Variants in CHSY3 observed in about 807,000 individuals in gnomAD.
The protein encoded by CHSY3 is N-acetylgalactosaminyl-proteoglycan 3-beta-glucuronosyltransferase 3.
Under a neutral mutation model 67.2 loss-of-function variants are expected in CHSY3, and 35 were observed. That is an observed-to-expected ratio of 0.52 (90% CI 0.40 to 0.69). The LOEUF (loss-of-function observed/expected upper bound fraction) is 0.69. Among genes scored for constraint, CHSY3 ranks in the 30% least tolerant of loss-of-function variants. CHSY3 has a pLI of 0.00. For missense variants in CHSY3, 1,069 were observed against 1,138.5 expected (o/e 0.94, Z 0.88); for synonymous variants, 474 against 434.7 (o/e 1.09, Z -1.12).
At chr5:130,121,985 A>G (rs36019821) in intron 2 of CHSY3, among the ~76,000 whole-genome samples, 1,541 of 152,222 alleles carry the variant, frequency 0.01, 10 homozygotes, top group Non-Finnish European at 0.018. Context: ...GCATCTATTT[A>G]TTGAGTGCTT....
intron 2 of CHSY3, among the ~76,000 whole-genome samples, chr5:130,121,274 ATGAATAAATGC>A (rs1467889105): frequency 6.6e-6 from 1 of 152,234 alleles, no homozygotes; most frequent in African/African-American, 2.4e-5. Context: ...TAGGGGCTGC[ATGAATAAATGC>A]TGACTGGATG....
At chr5:129,976,305 T>C (rs1205350688) in intron 2 of CHSY3, among the ~76,000 whole-genome samples, 1 of 152,178 alleles carries the variant, frequency 6.6e-6, no homozygotes, top group Non-Finnish European at 1.5e-5. Flanking sequence ...CCTCAAAGAC[T>C]ATCTATCCAT....
At chr5:129,982,666 A>G (rs987582951) in intron 2 of CHSY3, among the ~76,000 whole-genome samples, 1 of 152,100 alleles carries the variant, frequency 6.6e-6, no homozygotes, top group East Asian at 1.9e-4. Flanking sequence ...ACAAATATAA[A>G]TTAAACATTC....
intron 2 of CHSY3, among the ~76,000 whole-genome samples, chr5:130,062,502 C>T (rs1765747276): frequency 1.3e-5 from 2 of 151,936 alleles, no homozygotes; most frequent in African/African-American, 2.4e-5. Context: ...TATCAGTACG[C>T]AATATACGCA....
intron 2 of CHSY3, among the ~76,000 whole-genome samples, chr5:130,060,486 T>G (rs138835951): frequency 6.6e-6 from 1 of 152,138 alleles, no homozygotes; most frequent in Non-Finnish European, 1.5e-5. Context: ...AAAGCCTTTT[T>G]TTCCAAGAAC....
intron 2 of CHSY3, among the ~76,000 whole-genome samples, chr5:130,125,751 C>T (rs192932253): frequency 5.9e-5 from 9 of 152,044 alleles, no homozygotes; most frequent in African/African-American, 2.2e-4. Flanking sequence ...GTGGCAAAAC[C>T]GAAAGCAAAA....
intron 2 of CHSY3, among the ~76,000 whole-genome samples, chr5:130,057,900 C>CAGAG (rs141613378): frequency 0.024 from 3,584 of 149,194 alleles, 134 homozygotes; most frequent in African/African-American, 0.08. Context: ...TACATGCACA[C>CAGAG]AGAGAGAGAG....
Position 130,079,766 on chromosome 5 carries a change from T to C in CHSY3, c.1087-104463T>C, listed in dbSNP as rs569197176. Among the ~76,000 whole-genome samples, 49 of 152,218 alleles carry C rather than the reference T, an allele frequency of 3.2e-4. 1 individual carries two copies. In the South Asian group the frequency reaches 9.5e-3, roughly 30 times the overall value. On this transcript the variant is annotated intron_variant, in intron 2 of 2. Coordinates refer to ENST00000305031, the MANE Select transcript of CHSY3 (RefSeq NM_175856.5). ...GAAGAAACCAGATACTTGTAAGAAG[T>C]ATTTGGCACAAGTTTTATATGTGCA...
At chr5:130,020,456 TATATA>T (rs1382470410) in intron 2 of CHSY3, among the ~76,000 whole-genome samples, 17 of 2,462 alleles carry the variant, frequency 6.9e-3, no homozygotes, top group Non-Finnish European at 0.012. Flanking sequence ...TATATATATA[TATATA>T]TTTTTTTTTT....
At chr5:129,935,988 C>G (rs1270138196) in intron 2 of CHSY3, among the ~76,000 whole-genome samples, 2 of 151,912 alleles carry the variant, frequency 1.3e-5, no homozygotes, top group Non-Finnish European at 2.9e-5. Context: ...AAATTTAACT[C>G]GGGCTGAAAA....
chr5:130,158,855 A>T (rs1769445284), intron 2 of CHSY3, among the ~76,000 whole-genome samples: 2 of 152,170 alleles, frequency 1.3e-5, no homozygotes, highest in Non-Finnish European at 2.9e-5. Context: ...GCTGGAGTGC[A>T]GTGCTATGAT....
intron 2 of CHSY3, among the ~76,000 whole-genome samples, chr5:130,008,327 C>T (rs993613235): frequency 6.6e-6 from 1 of 152,144 alleles, no homozygotes; most frequent in Non-Finnish European, 1.5e-5. Context: ...GTCCCAGCAC[C>T]TAGGGTTAGA....
chr5:130,141,121 G>A (rs968340690), intron 2 of CHSY3: 3 of 335,912 alleles, frequency 8.9e-6, no homozygotes, highest in Admixed American at 4.7e-5. Flanking sequence ...AGCCTGATGA[G>A]GCTGTTGTTT....
intron 2 of CHSY3, among the ~76,000 whole-genome samples, chr5:129,959,009 A>G (rs570911485): frequency 6.6e-6 from 1 of 152,290 alleles, no homozygotes; most frequent in Non-Finnish European, 1.5e-5. Flanking sequence ...TAAACATAGC[A>G]AACTCTACTA....
chr5:130,001,535 C>A, intron 2 of CHSY3: 1 of 927,492 alleles, frequency 1.1e-6, no homozygotes, highest in Non-Finnish European at 1.3e-6. Context: ...CCAAGATACG[C>A]AGGACCCCAT....
chr5:130,063,083 A>G (rs1223622249), intron 2 of CHSY3, among the ~76,000 whole-genome samples: 1 of 152,082 alleles, frequency 6.6e-6, no homozygotes, highest in Non-Finnish European at 1.5e-5. Context: ...TTAAATGGCT[A>G]TGTCTATTTT....
chr5:129,909,832 A>G (rs1477744662), intron 2 of CHSY3, among the ~76,000 whole-genome samples: 3 of 152,002 alleles, frequency 2.0e-5, no homozygotes, highest in Non-Finnish European at 4.4e-5. Flanking sequence ...AAGTAAAAAA[A>G]TATTTGTGTG....
intron 2 of CHSY3, among the ~76,000 whole-genome samples, chr5:129,944,697 A>T (rs994562380): frequency 6.6e-6 from 1 of 152,190 alleles, no homozygotes; most frequent in Non-Finnish European, 1.5e-5. Context: ...TAATTTTTAG[A>T]TTAATATATT....
chr5:130,013,323 T>G (rs1764121459), intron 2 of CHSY3, among the ~76,000 whole-genome samples: 2 of 152,168 alleles, frequency 1.3e-5, no homozygotes. Flanking sequence ...GGCCCTCTTC[T>G]CACAGCTCCA....
Sources: gnomAD v4.1 joint callset for allele counts (sites outside exome capture counted in the v4.1 genomes callset) on GRCh38, gnomAD v4.1.1 for gene constraint, MANE v1.5 for transcripts, NCBI Gene and HGNC (gene_info 2026-07-23, HGNC 2026-07-21) for gene names.